RPS6KC1: variants seen among roughly 807,000 people sequenced by gnomAD.
RPS6KC1 encodes the protein ribosomal protein S6 kinase C1.
RPS6KC1 carries 54 observed loss-of-function variants against 103.8 expected under a neutral mutation model. The observed-to-expected ratio is 0.52, with a 90% CI of 0.42 to 0.65. RPS6KC1 has a LOEUF of 0.65. Ranked by LOEUF, RPS6KC1 falls within the 30% of genes least tolerant of loss-of-function variation. The probability of loss-of-function intolerance (pLI) is 0.00; values close to 1 mark genes in which losing one functional copy is unlikely to be tolerated. For missense variants in RPS6KC1, 1,151 were observed against 1,253.8 expected (o/e 0.92, Z 1.24); for synonymous variants, 439 against 438.7 (o/e 1.00, Z -0.01).
intron 8 of RPS6KC1, chr1:213,205,326 G>T (rs2093306990): frequency 3.0e-6 from 3 of 984,786 alleles, no homozygotes; most frequent in East Asian, 1.1e-4. Flanking sequence ...GCTAGATAAA[G>T]ATAAGTCATG....
chr1:213,266,075 G>T (rs907738533), intron 14 of RPS6KC1, among the ~76,000 whole-genome samples: 2 of 152,152 alleles, frequency 1.3e-5, no homozygotes, highest in East Asian at 3.8e-4. Flanking sequence ...GATAAGTGTC[G>T]TGTATATCTT....
At chr1:213,206,478 GAT>G (rs2093352978) in intron 8 of RPS6KC1, among the ~76,000 whole-genome samples, 1 of 152,104 alleles carries the variant, frequency 6.6e-6, no homozygotes, top group South Asian at 2.1e-4. Flanking sequence ...TAGTTGGAAA[GAT>G]ATAAGTAAAT....
At chr1:213,158,223 T>A (rs1027343667) in intron 6 of RPS6KC1, among the ~76,000 whole-genome samples, 9 of 152,282 alleles carry the variant, frequency 5.9e-5, no homozygotes, top group African/African-American at 2.2e-4. Flanking sequence ...CATTTGTAGC[T>A]GTGTAAGCCA....
chr1:213,393,996 G>A, the RPS6KC1 span, among the ~76,000 whole-genome samples: 6 of 152,262 alleles, frequency 3.9e-5, no homozygotes, highest in East Asian at 3.9e-4. Context: ...AGCCACAGCC[G>A]AAGACAGATG....
At chr1:213,605,133 T>A in the RPS6KC1 span, among the ~76,000 whole-genome samples, 7 of 152,192 alleles carry the variant, frequency 4.6e-5, no homozygotes, top group Admixed American at 1.3e-4. Context: ...GTAGTTTTTT[T>A]AATTGCACTT....
the RPS6KC1 span, among the ~76,000 whole-genome samples, chr1:213,711,121 G>C: frequency 1.3e-5 from 2 of 152,130 alleles, no homozygotes; most frequent in Non-Finnish European, 2.9e-5. Context: ...TTCCAACTTG[G>C]TTCCATTTTC....
chr1:213,421,524 A>G, the RPS6KC1 span, among the ~76,000 whole-genome samples: 7 of 152,236 alleles, frequency 4.6e-5, no homozygotes, highest in African/African-American at 1.7e-4. Context: ...ACCAAATAGT[A>G]TAGTGAGAAA....
At chr1:213,474,796 G>C in the RPS6KC1 span, among the ~76,000 whole-genome samples, 3 of 151,882 alleles carry the variant, frequency 2.0e-5, no homozygotes, top group African/African-American at 7.3e-5. Context: ...AATAACAAAG[G>C]CTAATACCTT....
the RPS6KC1 span, among the ~76,000 whole-genome samples, chr1:213,322,251 A>G: frequency 1.3e-5 from 2 of 152,170 alleles, no homozygotes; most frequent in Non-Finnish European, 2.9e-5. Flanking sequence ...GGTTGCAGTG[A>G]TCTGCACTCT....
At position 213,102,968 on chromosome 1, in the gene RPS6KC1, A is replaced by T. The variant is rs530804721; in HGVS notation, c.263-1486A>T. On this transcript the variant is annotated intron_variant, in intron 3 of 14. Coordinates refer to ENST00000366960, the MANE Select transcript of RPS6KC1 (RefSeq NM_012424.6). ...TGCAATACAATCCCAGCACTTTGGG[A>T]GGCCTAGATGGGAGGATCACTTGCA... Among the ~76,000 whole-genome samples the T allele has an allele frequency of 2.6e-5, 4 of 152,170 alleles. No homozygotes were observed. In the South Asian group the frequency reaches 8.3e-4, roughly 32 times the overall value.
intron 3 of RPS6KC1, among the ~76,000 whole-genome samples, chr1:213,086,528 C>T (rs749423606): frequency 3.3e-5 from 5 of 152,304 alleles, no homozygotes; most frequent in Non-Finnish European, 5.9e-5. Flanking sequence ...TGGTTTTCCT[C>T]CTCAATCTAG....
chr1:213,557,211 C>T, the RPS6KC1 span, among the ~76,000 whole-genome samples: 1 of 152,172 alleles, frequency 6.6e-6, no homozygotes, highest in Non-Finnish European at 1.5e-5. Flanking sequence ...AGGATGTGTG[C>T]CCACTCTGAG....
At chr1:213,633,312 C>T in the RPS6KC1 span, among the ~76,000 whole-genome samples, 1 of 152,150 alleles carries the variant, frequency 6.6e-6, no homozygotes, top group Non-Finnish European at 1.5e-5. Flanking sequence ...GGTCAGGTTA[C>T]CCACAAAGGC....
At chr1:213,263,503 G>A (rs1316050015) in intron 14 of RPS6KC1, among the ~76,000 whole-genome samples, 11 of 152,112 alleles carry the variant, frequency 7.2e-5, no homozygotes, top group Non-Finnish European at 1.2e-4. Context: ...TGGGCTATCA[G>A]CAGGAACAAG....
chr1:213,630,027 C>T, the RPS6KC1 span, among the ~76,000 whole-genome samples: 6 of 152,198 alleles, frequency 3.9e-5, no homozygotes, highest in Non-Finnish European at 7.3e-5. Context: ...TTTTTTCCTT[C>T]ATTTCAACTT....
intron 12 of RPS6KC1, among the ~76,000 whole-genome samples, chr1:213,252,740 C>G (rs1267877024): frequency 6.6e-5 from 10 of 152,000 alleles, no homozygotes; most frequent in Admixed American, 6.6e-4. Flanking sequence ...CATTAGAAAA[C>G]TATATTTATC....
At chr1:213,689,361 C>T in the RPS6KC1 span, among the ~76,000 whole-genome samples, 9 of 152,328 alleles carry the variant, frequency 5.9e-5, no homozygotes, top group African/African-American at 1.9e-4. Context: ...CCTCCTCAGC[C>T]CTTAGGGCTA....
chr1:213,280,299 A>G, the RPS6KC1 span, among the ~76,000 whole-genome samples: 2 of 152,200 alleles, frequency 1.3e-5, no homozygotes, highest in African/African-American at 4.8e-5. Context: ...TTGTAATCAA[A>G]TAACTCACCC....
the RPS6KC1 span, among the ~76,000 whole-genome samples, chr1:213,671,071 G>A: frequency 1.3e-5 from 2 of 152,194 alleles, no homozygotes; most frequent in East Asian, 1.9e-4. Flanking sequence ...GAACACCCAA[G>A]CCTTCCACAG....
Sources: gnomAD v4.1 joint callset for allele counts (sites outside exome capture counted in the v4.1 genomes callset) on GRCh38, gnomAD v4.1.1 for gene constraint, MANE v1.5 for transcripts, NCBI Gene and HGNC (gene_info 2026-07-23, HGNC 2026-07-21) for gene names.